The following PDE6A variants were observed in gnomAD, a reference collection of about 807,000 sequenced individuals.
PDE6A encodes the protein rod cGMP-specific 3',5'-cyclic phosphodiesterase subunit alpha.
Under a neutral mutation model 106.3 loss-of-function variants are expected in PDE6A, and 84 were observed. The ratio of observed to expected loss-of-function variants is 0.79; its 90% CI spans 0.66 to 0.95. The LOEUF is 0.95. Ranked by LOEUF, PDE6A falls within the 40% of genes least tolerant of loss-of-function variation. The pLI, the probability that PDE6A is intolerant of heterozygous loss-of-function variation, is 0.00. For missense variants in PDE6A, 1,052 were observed against 1,084.9 expected, an observed-to-expected ratio of 0.97 and a Z score of 0.43; for synonymous variants, 394 against 386.6, an observed-to-expected ratio of 1.02 and a Z score of -0.23.
chr5:149,923,887 C>T (rs1753804421), intron 4 of PDE6A, among the ~76,000 whole-genome samples: 1 of 152,208 alleles, frequency 6.6e-6, no homozygotes, highest in Non-Finnish European at 1.5e-5. Context: ...AAGCCCTCCT[C>T]ATTCCTCTCA....
At chr5:149,906,369 T>C (rs1273502475) in intron 7 of PDE6A, among the ~76,000 whole-genome samples, 2 of 151,070 alleles carry the variant, frequency 1.3e-5, no homozygotes, top group African/African-American at 4.9e-5. Flanking sequence ...CTACTAAAAA[T>C]ACAAAAATTA....
chr5:149,944,327 T>C lies in PDE6A; in HGVS notation c.347A>G (p.His116Arg). Residue 116 changes from histidine to arginine, a missense_variant, in exon 1 of 22, where the codon CAC becomes CGC. Transcript: ENST00000255266. ...AELATRLFNV[H>R]KDAVLEDCLV... Reference sequence around the variant, plus strand: ...GCAGTCCTCGAGGACAGCATCCTTGTGGACATTGAAAAGCCTGGTGGCCAG... The same window carrying C: ...GCAGTCCTCGAGGACAGCATCCTTGCGGACATTGAAAAGCCTGGTGGCCAG... 2 of 1,614,164 alleles carry C rather than the reference T, an allele frequency of 1.2e-6. No homozygotes were observed. Among genetic ancestry groups the C allele is most frequent in the Non-Finnish European group, 1.7e-6 (2 of 1,180,008 alleles).
intron 5 of PDE6A, 94 bp from the exon 6 acceptor site, chr5:149,915,101 C>T (rs1295012424): frequency 4.2e-6 from 3 of 711,460 alleles, no homozygotes; most frequent in Non-Finnish European, 7.0e-6. Context: ...ATGGCTTGAT[C>T]TCAGCTCACT....
rs543246958 is a variant in PDE6A at position 149,872,051 on chromosome 5, G to A, written c.2136-3893C>T. ...ACAAAAATATTGTATGCTCAGAAAT[G>A]TGAACCTTATGCTCTCAGTAGACGA... On this transcript the variant is annotated intron_variant, in intron 17 of 21. Transcript: ENST00000255266. Among the ~76,000 whole-genome samples the A allele has an allele frequency of 1.2e-4, 19 of 152,312 alleles. No individual in the cohort carries two copies. In the South Asian group the frequency reaches 3.3e-3, roughly 27 times the overall value.
intron 5 of PDE6A, among the ~76,000 whole-genome samples, chr5:149,919,886 A>G (rs1753653524): frequency 6.6e-6 from 1 of 152,228 alleles, no homozygotes; most frequent in Non-Finnish European, 1.5e-5. Flanking sequence ...TTAAAAGTAG[A>G]TGAAGCAAGA....
chr5:149,888,712 T>C (rs1752416205), intron 13 of PDE6A, among the ~76,000 whole-genome samples: 1 of 151,742 alleles, frequency 6.6e-6, no homozygotes, highest in African/African-American at 2.4e-5. Flanking sequence ...AAAAGTTGAA[T>C]GGATAAGAAA....
Position 149,860,799 on chromosome 5 carries a change from C to A in PDE6A, c.*96G>T. On this transcript the variant is annotated 3_prime_UTR_variant, in exon 22 of 22. Transcript: ENST00000255266. The stretch of plus-strand genomic sequence containing the variant: ...CTCTAACAGCTTTCAAATCCTATGA[C>A]TCTTCTACTTCTCAAGGTGTGTGGT... 1 of 1,023,746 alleles carries A rather than the reference C, an allele frequency of 9.8e-7. No homozygotes were observed. Among genetic ancestry groups the A allele is most frequent in the Non-Finnish European group, 1.5e-6 (1 of 656,480 alleles). The allele number at this position is 1,023,746 out of a possible 1,614,324, so 63.4% of individuals were successfully genotyped here. A position where few individuals can be genotyped will look rare whatever the true frequency, so the allele number is the denominator to read the frequency against.
chr5:149,940,630 T>C (rs1754304375), intron 1 of PDE6A, among the ~76,000 whole-genome samples: 1 of 151,856 alleles, frequency 6.6e-6, no homozygotes, highest in Non-Finnish European at 1.5e-5. Context: ...CCCGAGTAGC[T>C]GGGATTACAG....
rs1003536649 is a variant in PDE6A at position 149,860,619 on chromosome 5, T to G, written c.*276A>C. 5.2e-6 allele frequency: 2 copies of G among 382,368 alleles called. No individual in the cohort carries two copies. The highest frequency in any genetic ancestry group is 9.4e-6 in the Non-Finnish European group (2 of 211,684). 23.7% of individuals were successfully genotyped at this position (382,368 alleles called of 1,614,324 possible). A position where few individuals can be genotyped will look rare whatever the true frequency, so the allele number is the denominator to read the frequency against. On this transcript the variant is annotated 3_prime_UTR_variant, in exon 22 of 22. Coordinates refer to ENST00000255266, the MANE Select transcript of PDE6A (RefSeq NM_000440.3). ...GCGGCCCAACACAAATTCATAAACT[T>G]TCTTAAAACATTATGAAATTTTTTT...
At chr5:149,913,531 G>T (rs917474607) in intron 6 of PDE6A, among the ~76,000 whole-genome samples, 8 of 152,166 alleles carry the variant, frequency 5.3e-5, no homozygotes, top group Non-Finnish European at 1.0e-4. Flanking sequence ...GTTTATCTGG[G>T]TGACGGGATT....
intron 5 of PDE6A, among the ~76,000 whole-genome samples, chr5:149,919,230 G>A (rs1250293902): frequency 6.6e-6 from 1 of 152,162 alleles, no homozygotes; most frequent in Non-Finnish European, 1.5e-5. Context: ...TTCTAGGCCG[G>A]GTGCGGTGGC....
intron 5 of PDE6A, among the ~76,000 whole-genome samples, chr5:149,917,594 C>T (rs1282609887): frequency 6.6e-6 from 1 of 152,142 alleles, no homozygotes; most frequent in African/African-American, 2.4e-5. Flanking sequence ...AAGGCAGAAG[C>T]TGAAACCACT....
At chr5:149,896,075 C>A (rs1752739814) in intron 12 of PDE6A, among the ~76,000 whole-genome samples, 1 of 152,114 alleles carries the variant, frequency 6.6e-6, no homozygotes, top group Non-Finnish European at 1.5e-5. Context: ...ACTATAGGAC[C>A]CATTTTTTGC....
At chr5:149,876,516 T>A (rs1048513865) in intron 17 of PDE6A, among the ~76,000 whole-genome samples, 4 of 152,048 alleles carry the variant, frequency 2.6e-5, no homozygotes, top group Non-Finnish European at 5.9e-5. Context: ...ATAATTTAAA[T>A]TTTCCAGGAC....
At chr5:149,907,676 C>T (rs1274747708) in intron 6 of PDE6A, among the ~76,000 whole-genome samples, 1 of 152,204 alleles carries the variant, frequency 6.6e-6, no homozygotes, top group South Asian at 2.1e-4. Flanking sequence ...CAAACACCAT[C>T]ACTTCCCTCA....
intron 16 of PDE6A, among the ~76,000 whole-genome samples, chr5:149,884,009 A>G (rs972793775): frequency 2.2e-4 from 34 of 152,112 alleles, no homozygotes; most frequent in African/African-American, 7.7e-4. Context: ...CCTGGGTAAC[A>G]TAGTGAGAAC....
At chr5:149,932,637 A>T in intron 3 of PDE6A, 2 of 1,613,518 alleles carry the variant, frequency 1.2e-6, no homozygotes, top group Non-Finnish European at 1.7e-6. Flanking sequence ...AGTATATTCC[A>T]TTTCGTACGA....
chr5:149,908,946 A>G (rs573475759), intron 6 of PDE6A, among the ~76,000 whole-genome samples: 67 of 152,272 alleles, frequency 4.4e-4, no homozygotes, highest in South Asian at 1.2e-3. Flanking sequence ...GTTTTGATTT[A>G]TTTTATTGTA....
intron 5 of PDE6A, among the ~76,000 whole-genome samples, chr5:149,915,929 C>G (rs1044954969): frequency 7.9e-5 from 12 of 152,318 alleles, no homozygotes; most frequent in Admixed American, 5.9e-4. Context: ...CTCCCCAGAC[C>G]CTTACTGGTG....
Sources: gnomAD v4.1 joint callset for allele counts (sites outside exome capture counted in the v4.1 genomes callset) on GRCh38, gnomAD v4.1.1 for gene constraint, MANE v1.5 for transcripts, NCBI Gene and HGNC (gene_info 2026-07-23, HGNC 2026-07-21) for gene names.